Variants in TMPRSS5 observed in about 807,000 individuals in gnomAD.
TMPRSS5 encodes the protein transmembrane protease serine 5.
In TMPRSS5, 45 loss-of-function variants were observed where a neutral mutation model predicts 59.7. That is an observed-to-expected ratio of 0.75 (90% CI 0.59 to 0.97). The LOEUF (loss-of-function observed/expected upper bound fraction) is 0.97, where lower values mean the gene tolerates loss of function less well. Ranked by LOEUF, TMPRSS5 falls within the 50% of genes least tolerant of loss-of-function variation. The pLI, the probability that TMPRSS5 is intolerant of heterozygous loss-of-function variation, is 0.00. For missense variants in TMPRSS5, 585 were observed against 596.7 expected (o/e 0.98, Z 0.20); for synonymous variants, 225 against 232.0 (o/e 0.97, Z 0.27).
At position 113,689,843 on chromosome 11, in the gene TMPRSS5, A is replaced by ACGCCCCCAGCTGAC. The variant is rs1332790898; in HGVS notation, c.1267_1280dup (p.Gly428SerfsTer19). The ACGCCCCCAGCTGAC allele has an allele frequency of 6.3e-7, 1 of 1,593,950 alleles. No homozygotes were observed. The highest frequency in any genetic ancestry group is 2.3e-5 in the East Asian group (1 of 43,860). On this transcript the variant is annotated frameshift_variant, in exon 12 of 13. Coordinates refer to ENST00000299882, the MANE Select transcript of TMPRSS5 (RefSeq NM_030770.4). LOFTEE classifies it high-confidence loss of function. ...CTGGGTGATTGGGCTCTGCGCAGCCACGCCCCCAGCTGACCACCCCCACTA... is the reference window on the plus strand; with the variant it reads ...CTGGGTGATTGGGCTCTGCGCAGCCACGCCCCCAGCTGACCGCCCCCAGCTGACCACCCCCACTA...
At chr11:113,702,251 T>C (rs1376653201) in intron 1 of TMPRSS5, among the ~76,000 whole-genome samples, 1 of 152,220 alleles carries the variant, frequency 6.6e-6, no homozygotes, top group African/African-American at 2.4e-5. Flanking sequence ...AATAAACATA[T>C]GTGTGCATGT....
intron 1 of TMPRSS5, among the ~76,000 whole-genome samples, chr11:113,703,758 C>T (rs193077458): frequency 6.6e-6 from 1 of 152,206 alleles, no homozygotes; most frequent in East Asian, 1.9e-4. Flanking sequence ...AGGGGATTTC[C>T]CCCTTTACTC....
Position 113,695,385 on chromosome 11 carries a change from C to A in TMPRSS5, c.622+15G>T. 2 of 1,613,864 alleles carry A rather than the reference C, an allele frequency of 1.2e-6. No individual in the cohort carries two copies. The highest frequency in any genetic ancestry group is 1.7e-6 in the Non-Finnish European group (2 of 1,179,828). ...CCTCTCACCGCCACCTCCCCTAGACCAAGATATGACTCACCAGAGCATCTG... is the reference window on the plus strand; with the variant it reads ...CCTCTCACCGCCACCTCCCCTAGACAAAGATATGACTCACCAGAGCATCTG... On this transcript the variant is annotated intron_variant, in intron 7 of 12. Transcript: ENST00000299882.
Position 113,700,267 on chromosome 11 carries a change from G to T in TMPRSS5, c.4-99C>A, listed in dbSNP as rs1953094428. The T allele has an allele frequency of 3.7e-6, 4 of 1,078,908 alleles. No homozygotes were observed. In the East Asian group the frequency reaches 8.1e-5, roughly 22 times the overall value. 66.8% of individuals were successfully genotyped at this position (1,078,908 alleles called of 1,614,324 possible). A position where few individuals can be genotyped will look rare whatever the true frequency, so the allele number is the denominator to read the frequency against. On this transcript the variant is annotated intron_variant, in intron 1 of 12. Coordinates refer to ENST00000299882, the MANE Select transcript of TMPRSS5 (RefSeq NM_030770.4). ...GTCCCCATTCTTTAACCCCAGCCAT[G>T]ATTCCATTGCCACTTGTAAACCTCT...
At chr11:113,695,326 C>A in intron 7 of TMPRSS5, 74 bp downstream of exon 7, 2 of 1,535,780 alleles carry the variant, frequency 1.3e-6, no homozygotes, top group South Asian at 1.1e-5. Context: ...CACCATAGGG[C>A]TCTTCCACAC....
Position 113,687,945 on chromosome 11 carries a change from C to T in TMPRSS5, c.*315G>A. 3.1e-6 allele frequency: 1 copy of T among 323,398 alleles called. No homozygotes were observed. Among genetic ancestry groups the T allele is most frequent in the Non-Finnish European group, 5.6e-6 (1 of 180,034 alleles). The allele number at this position is 323,398 out of a possible 1,614,324, so 20.0% of individuals were successfully genotyped here. On this transcript the variant is annotated 3_prime_UTR_variant, in exon 13 of 13. Transcript: ENST00000299882. ...GCAGGCTTCCTGCTGCTTCTAGCAG[C>T]CTCTTCATCTCCAGCTCCTACCTCT...
chr11:113,698,718 G>A (rs747793012), intron 4 of TMPRSS5, 187 bp downstream of exon 4: 21 of 667,414 alleles, frequency 3.1e-5, no homozygotes, highest in Non-Finnish European at 4.8e-5. Flanking sequence ...CAGTCCTCAG[G>A]CAGTGCTGAA....
intron 1 of TMPRSS5, among the ~76,000 whole-genome samples, chr11:113,704,063 C>G (rs965208211): frequency 4.6e-5 from 7 of 152,054 alleles, no homozygotes; most frequent in African/African-American, 1.7e-4. Flanking sequence ...AGGGTTTGAG[C>G]TGATATAATG....
At chr11:113,691,064 G>A in intron 9 of TMPRSS5, 125 bp from the exon 10 acceptor site, 1 of 850,324 alleles carries the variant, frequency 1.2e-6, no homozygotes, top group Non-Finnish European at 1.8e-6. Context: ...CTGGCTCCTG[G>A]GTTCCACCAG....
intron 8 of TMPRSS5, among the ~76,000 whole-genome samples, 170 bp from the exon 9 acceptor site, chr11:113,693,419 C>T (rs778957718): frequency 1.3e-5 from 2 of 152,166 alleles, no homozygotes; most frequent in Non-Finnish European, 2.9e-5. Context: ...CCCCAGCAGC[C>T]GGCAAGACAC....
chr11:113,690,179 C>CGG, intron 11 of TMPRSS5, 52 bp downstream of exon 11: 3 of 897,668 alleles, frequency 3.3e-6, no homozygotes, highest in Non-Finnish European at 3.4e-6. Context: ...GCCCCCTGCC[C>CGG]TCCCACCCCC....
At chr11:113,700,004 G>A (rs534183857) in intron 2 of TMPRSS5, 62 bp downstream of exon 2, 3 of 1,550,512 alleles carry the variant, frequency 1.9e-6, no homozygotes, top group Non-Finnish European at 2.6e-6. Flanking sequence ...TCCGGGGAAT[G>A]TAGGATGATT....
intron 9 of TMPRSS5, among the ~76,000 whole-genome samples, chr11:113,691,364 T>C (rs1221364353): frequency 6.6e-6 from 1 of 152,206 alleles, no homozygotes; most frequent in African/African-American, 2.4e-5. Flanking sequence ...AAGCATTCAC[T>C]TGGGGAGAAC....
rs1952960326 is a variant in TMPRSS5, at chr11:113,697,383, C to T, written c.364G>A (p.Glu122Lys). 1.2e-6 allele frequency: 2 copies of T among 1,613,848 alleles called. No individual in the cohort carries two copies. Among genetic ancestry groups the T allele is most frequent in the East Asian group, 4.5e-5 (2 of 44,878 alleles). The part of the protein sequence containing the change: ...FRINSEDFLL[E>K]AQVRDQPRWL... ...CGTGGCTGATCCCTCACTTGCGCTT[C>T]CAGCAAGAAGTCTTCGCTGTTTATT... The change falls in exon 5 of 13, where the codon GAA (glutamate) becomes AAA (lysine). Residue 122 changes from glutamate (E) to lysine (K), a missense_variant. Glu to Lys is a moderately conservative substitution (Grantham distance 56). Transcript: ENST00000299882.
chr11:113,691,131 G>C, intron 9 of TMPRSS5, 192 bp from the exon 10 acceptor site: 1 of 588,058 alleles, frequency 1.7e-6, no homozygotes. Flanking sequence ...GGGGTCCCCT[G>C]TCACAGAGGA....
At chr11:113,699,384 G>T (rs1392297746) in intron 3 of TMPRSS5, among the ~76,000 whole-genome samples, 1 of 151,784 alleles carries the variant, frequency 6.6e-6, no homozygotes, top group Non-Finnish European at 1.5e-5. Flanking sequence ...AAGATTTCCA[G>T]AAAAAGTCTG....
intron 5 of TMPRSS5, 88 bp from the exon 6 acceptor site, chr11:113,697,059 G>T: frequency 1.7e-6 from 2 of 1,182,524 alleles, no homozygotes; most frequent in Non-Finnish European, 1.2e-6. Flanking sequence ...GCAAGACTGT[G>T]ATAATGATTA....
rs1005520795 is a variant in TMPRSS5 at position 113,688,284 on chromosome 11, A to G, written c.1360-10T>C. ...CTCAGAGGAGGGAGTCCTAGACCAAAAGGGAAAGGAACTGATTCACAGCAT... is the reference window on the plus strand; with the variant it reads ...CTCAGAGGAGGGAGTCCTAGACCAAGAGGGAAAGGAACTGATTCACAGCAT... On this transcript the variant is annotated splice_polypyrimidine_tract_variant and intron_variant, in intron 12 of 12. Coordinates refer to ENST00000299882, the MANE Select transcript of TMPRSS5 (RefSeq NM_030770.4). The G allele has an allele frequency of 3.9e-6, 6 of 1,555,342 alleles. No homozygotes were observed. The highest frequency in any genetic ancestry group is 5.3e-6 in the Non-Finnish European group (6 of 1,141,828).
rs1169095294 is a variant in TMPRSS5, at chr11:113,688,086, A to G, written c.*174T>C. On this transcript the variant is annotated 3_prime_UTR_variant, in exon 13 of 13. Transcript: ENST00000299882. ...CTGAAATCAGGGCCCAAGAGGAGAG[A>G]CCTGTTGGCTGGGTGGCTGGCCAGT... The G allele has an allele frequency of 5.9e-6, 6 of 1,019,760 alleles. No homozygotes were observed. Among genetic ancestry groups the G allele is most frequent in the Non-Finnish European group, 1.3e-6 (1 of 758,958 alleles). The allele number at this position is 1,019,760 out of a possible 1,614,324, so 63.2% of individuals were successfully genotyped here.
Sources: allele counts gnomAD v4.1 joint callset (sites outside exome capture counted in the v4.1 genomes callset), GRCh38; gene constraint gnomAD v4.1.1; transcripts MANE v1.5; gene names NCBI Gene and HGNC (gene_info 2026-07-23, HGNC 2026-07-21).